Variants in LDAH observed in about 807,000 individuals in gnomAD.
LDAH encodes the protein lipid droplet associated hydrolase.
A neutral mutation model predicts 29.6 loss-of-function variants in LDAH; 26 were observed. The ratio of observed to expected loss-of-function variants is 0.88; its 90% CI spans 0.64 to 1.22. LDAH has a LOEUF of 1.22. LDAH is among the 50% of genes most tolerant of loss of function. LDAH has a pLI of 0.00. For synonymous variants in LDAH, 117 were observed against 133.0 expected (o/e 0.88, Z 0.83); for missense variants, 344 against 387.3 (o/e 0.89, Z 0.94).
intron 5 of LDAH, among the ~76,000 whole-genome samples, chr2:20,724,341 T>C (rs1665867253): frequency 6.6e-6 from 1 of 152,254 alleles, no homozygotes; most frequent in African/African-American, 2.4e-5. Flanking sequence ...TCATATTTTT[T>C]CTCTTCTATC....
chr2:20,818,444 T>C (rs953010356), intron 1 of LDAH, among the ~76,000 whole-genome samples: 9 of 152,158 alleles, frequency 5.9e-5, no homozygotes, highest in African/African-American at 2.2e-4. Flanking sequence ...AACAGAATTC[T>C]TTTTACGCTT....
intron 2 of LDAH, among the ~76,000 whole-genome samples, chr2:20,796,068 C>T (rs867258616): frequency 5.1e-4 from 77 of 151,906 alleles, no homozygotes; most frequent in Middle Eastern, 3.4e-3. Flanking sequence ...CTGAAAATGT[C>T]AAAGCACTAT....
intron 1 of LDAH, among the ~76,000 whole-genome samples, chr2:20,815,072 G>C (rs1348471987): frequency 6.6e-6 from 1 of 152,084 alleles, no homozygotes; most frequent in Non-Finnish European, 1.5e-5. Flanking sequence ...ATTGAAAGTA[G>C]CTCTCCTTGA....
At chr2:20,780,774 C>G (rs1670141187) in intron 3 of LDAH, among the ~76,000 whole-genome samples, 2 of 152,192 alleles carry the variant, frequency 1.3e-5, no homozygotes, top group Non-Finnish European at 2.9e-5. Flanking sequence ...TTCTCTTGCT[C>G]TGCACTTTGG....
chr2:20,769,416 C>T (rs1453441054), intron 4 of LDAH, among the ~76,000 whole-genome samples: 4 of 152,190 alleles, frequency 2.6e-5, no homozygotes, highest in Non-Finnish European at 5.9e-5. Flanking sequence ...TCTTCTCCCT[C>T]CCTCCAGATT....
At chr2:20,762,491 A>G (rs1668759988) in intron 4 of LDAH, among the ~76,000 whole-genome samples, 1 of 152,224 alleles carries the variant, frequency 6.6e-6, no homozygotes, top group Non-Finnish European at 1.5e-5. Flanking sequence ...ACACACATAC[A>G]CAACACAACT....
chr2:20,736,355 T>C (rs1425774270), intron 5 of LDAH, among the ~76,000 whole-genome samples: 2 of 151,992 alleles, frequency 1.3e-5, no homozygotes, highest in Non-Finnish European at 2.9e-5. Context: ...GGCAGGAGAA[T>C]TGCTTGAACC....
At chr2:20,737,837 G>C (rs754634303) in intron 5 of LDAH, among the ~76,000 whole-genome samples, 11 of 152,198 alleles carry the variant, frequency 7.2e-5, no homozygotes, top group Non-Finnish European at 1.2e-4. Context: ...CGAGCCTCTA[G>C]ATGTTTAAAG....
chr2:20,798,912 G>T (rs1314676924), intron 2 of LDAH, among the ~76,000 whole-genome samples: 1 of 151,770 alleles, frequency 6.6e-6, no homozygotes, highest in Non-Finnish European at 1.5e-5. Context: ...TGAAGAAGAA[G>T]AAATATAAGT....
At chr2:20,747,302 A>G (rs901449217) in intron 4 of LDAH, among the ~76,000 whole-genome samples, 9 of 152,138 alleles carry the variant, frequency 5.9e-5, no homozygotes, top group African/African-American at 2.2e-4. Flanking sequence ...TCAAAAAAAC[A>G]TTATCACTGC....
chr2:20,738,670 C>A (rs1486915024), intron 5 of LDAH, among the ~76,000 whole-genome samples: 1 of 152,116 alleles, frequency 6.6e-6, no homozygotes, highest in South Asian at 2.1e-4. Context: ...GTCCTTAGCC[C>A]TTGCTTTCCC....
intron 5 of LDAH, among the ~76,000 whole-genome samples, chr2:20,715,664 A>T (rs1359992271): frequency 2.0e-5 from 3 of 152,250 alleles, no homozygotes; most frequent in Non-Finnish European, 2.9e-5. Context: ...CCTTAAGCTG[A>T]CAAGCAGCTT....
chr2:20,788,738 G>A (rs1056495195), intron 3 of LDAH, among the ~76,000 whole-genome samples: 2 of 152,048 alleles, frequency 1.3e-5, no homozygotes, highest in Non-Finnish European at 2.9e-5. Flanking sequence ...AGGACAAAAC[G>A]CCCTTGAATG....
chr2:20,703,675 A>G (rs533778347), intron 5 of LDAH, among the ~76,000 whole-genome samples: 1 of 152,000 alleles, frequency 6.6e-6, no homozygotes, highest in South Asian at 2.1e-4. Context: ...TATTTTTCTG[A>G]GTCAATTCTT....
intron 6 of LDAH, among the ~76,000 whole-genome samples, chr2:20,688,104 C>A (rs1662698610): frequency 6.6e-6 from 1 of 152,048 alleles, no homozygotes; most frequent in African/African-American, 2.4e-5. Context: ...GTATTAGGAA[C>A]CTGGAAAATA....
At chr2:20,744,263 A>G (rs1287700152) in intron 4 of LDAH, among the ~76,000 whole-genome samples, 15 of 140,284 alleles carry the variant, frequency 1.1e-4, no homozygotes, top group Non-Finnish European at 1.8e-4. Flanking sequence ...ATGCCTGGTA[A>G]TTTTTTCTTG....
intron 4 of LDAH, among the ~76,000 whole-genome samples, chr2:20,756,512 G>C (rs1180982451): frequency 1.3e-5 from 2 of 151,934 alleles, no homozygotes; most frequent in African/African-American, 2.4e-5. Context: ...GAGAGAGAGA[G>C]AAAGAGAGAC....
chr2:20,734,738 CTTTT>C (rs1164435385), intron 5 of LDAH, among the ~76,000 whole-genome samples: 1 of 152,180 alleles, frequency 6.6e-6, no homozygotes, highest in African/African-American at 2.4e-5. Flanking sequence ...ACTGTTCTTT[CTTTT>C]TGACATTCCC....
chr2:20,760,336 C>A (rs986346143), intron 4 of LDAH, among the ~76,000 whole-genome samples: 1 of 152,164 alleles, frequency 6.6e-6, no homozygotes, highest in African/African-American at 2.4e-5. Context: ...TTGCTATTAC[C>A]CTTTTACTTT....
Sources: gnomAD v4.1 joint callset for allele counts (sites outside exome capture counted in the v4.1 genomes callset) on GRCh38, gnomAD v4.1.1 for gene constraint, MANE v1.5 for transcripts, NCBI Gene and HGNC (gene_info 2026-07-23, HGNC 2026-07-21) for gene names.